Variants in PTGER3 observed in about 807,000 individuals in gnomAD.
PTGER3 encodes the protein prostaglandin E2 receptor EP3 subtype.
Under a neutral mutation model 34.7 loss-of-function variants are expected in PTGER3, and 22 were observed. The ratio of observed to expected loss-of-function variants is 0.63; its 90% CI spans 0.45 to 0.91. The LOEUF is 0.91. Among genes scored for constraint, PTGER3 ranks in the 40% least tolerant of loss-of-function variants. The pLI is 0.00. For synonymous variants in PTGER3, 241 were observed against 230.1 expected, an observed-to-expected ratio of 1.05 and a Z score of -0.43; for missense variants, 468 against 519.4, an observed-to-expected ratio of 0.90 and a Z score of 0.96.
chr1:70,902,178 A>G (rs1646854722), intron 4 of PTGER3, among the ~76,000 whole-genome samples: 1 of 152,204 alleles, frequency 6.6e-6, no homozygotes, highest in African/African-American at 2.4e-5. Flanking sequence ...TAATAATAAT[A>G]AAGAAATGTC....
intron 4 of PTGER3, among the ~76,000 whole-genome samples, chr1:70,916,354 A>G (rs61777125): frequency 1.3e-5 from 2 of 152,192 alleles, no homozygotes; most frequent in Non-Finnish European, 2.9e-5. Context: ...AACAGCTACA[A>G]TTCGACCCAG....
intron 4 of PTGER3, among the ~76,000 whole-genome samples, chr1:70,861,828 T>A (rs577705734): frequency 6.6e-6 from 1 of 152,144 alleles, no homozygotes; most frequent in Admixed American, 6.6e-5. Context: ...AAACTCTCAT[T>A]TCTTAACATT....
At chr1:71,045,902 T>C (rs1234236592) in intron 1 of PTGER3, among the ~76,000 whole-genome samples, 1 of 151,676 alleles carries the variant, frequency 6.6e-6, no homozygotes, top group African/African-American at 2.4e-5. Context: ...AAGGCACCCA[T>C]AGGTCGCGCA....
chr1:70,966,371 T>A (rs1378935801), downstream of PTGER3, among the ~76,000 whole-genome samples: 1 of 152,204 alleles, frequency 6.6e-6, no homozygotes, highest in Admixed American at 6.5e-5. Flanking sequence ...CAAATAACAC[T>A]TGTTCCCCCA....
At chr1:70,872,460 A>C (rs1646182834) in intron 4 of PTGER3, among the ~76,000 whole-genome samples, 1 of 152,198 alleles carries the variant, frequency 6.6e-6, no homozygotes, top group African/African-American at 2.4e-5. Flanking sequence ...CTGAACACTG[A>C]CTATGTTCCA....
intron 4 of PTGER3, among the ~76,000 whole-genome samples, chr1:70,918,154 A>G (rs1478895077): frequency 6.6e-6 from 1 of 152,064 alleles, no homozygotes; most frequent in Non-Finnish European, 1.5e-5. Context: ...GGGAAAGGAT[A>G]GTCTGTTCAA....
chr1:70,939,283 C>T lies in PTGER3; in HGVS notation c.*23+14480G>A, dbSNP rs192014743. 5.0e-4 allele frequency among the ~76,000 whole-genome samples: 76 copies of T among 152,340 alleles called. No individual in the cohort carries two copies. In the East Asian group the frequency reaches 0.013, roughly 25 times the overall value. On this transcript the variant is annotated intron_variant, in intron 4 of 4. Transcript: ENST00000370931. ...CCCATGGTCTTGGGCAGCTCCACTT[C>T]TGTGGCTTTACAGGGTACAGCCTCC...
chr1:70,879,951 G>A (rs1036352213), intron 4 of PTGER3, among the ~76,000 whole-genome samples: 2 of 151,968 alleles, frequency 1.3e-5, no homozygotes, highest in African/African-American at 2.4e-5. Flanking sequence ...AAATTAGCTG[G>A]GCGTGGTGGT....
At chr1:71,001,684 T>A (rs1656501485) in intron 2 of PTGER3, among the ~76,000 whole-genome samples, 1 of 152,196 alleles carries the variant, frequency 6.6e-6, no homozygotes, top group African/African-American at 2.4e-5. Context: ...GGCTTTTCAG[T>A]GAGAAGATAC....
At chr1:71,043,190 AT>A (rs1660463883) in intron 1 of PTGER3, among the ~76,000 whole-genome samples, 1 of 152,250 alleles carries the variant, frequency 6.6e-6, no homozygotes, top group African/African-American at 2.4e-5. Context: ...AATGATAAAA[AT>A]CAAATAGATT....
At chr1:70,894,659 C>T (rs35864143) in intron 4 of PTGER3, among the ~76,000 whole-genome samples, 31,946 of 152,094 alleles carry the variant, frequency 0.21, 3,784 homozygotes, top group Admixed American at 0.35. Context: ...GGAATTTGAT[C>T]AAGCCTCACC....
intron 4 of PTGER3, among the ~76,000 whole-genome samples, chr1:70,867,941 C>T (rs1260344990): frequency 6.6e-6 from 1 of 152,156 alleles, no homozygotes; most frequent in Admixed American, 6.5e-5. Context: ...GTCCTGTCTT[C>T]CTCATCCACA....
At chr1:70,902,244 A>G (rs1646856315) in intron 4 of PTGER3, among the ~76,000 whole-genome samples, 1 of 152,230 alleles carries the variant, frequency 6.6e-6, no homozygotes. Context: ...TGAAAAGGCA[A>G]TAAGACTCTA....
chr1:70,947,691 G>A (rs1210033328), downstream of PTGER3, among the ~76,000 whole-genome samples: 3 of 152,076 alleles, frequency 2.0e-5, no homozygotes, highest in Admixed American at 6.6e-5. Context: ...CTGTAGATTT[G>A]GGTTGCTGAG....
chr1:70,978,786 G>C (rs976198599), intron 2 of PTGER3, among the ~76,000 whole-genome samples: 4 of 152,032 alleles, frequency 2.6e-5, no homozygotes, highest in African/African-American at 9.7e-5. Flanking sequence ...CCACCAAGAG[G>C]GTAGTGATCC....
At chr1:70,985,267 C>T (rs1467045583) in intron 2 of PTGER3, among the ~76,000 whole-genome samples, 2 of 152,064 alleles carry the variant, frequency 1.3e-5, no homozygotes, top group Non-Finnish European at 2.9e-5. Flanking sequence ...TCACCGCATG[C>T]GTGTGTGGAC....
At chr1:70,925,930 G>A (rs1322106510) in intron 4 of PTGER3, among the ~76,000 whole-genome samples, 2 of 152,248 alleles carry the variant, frequency 1.3e-5, no homozygotes, top group Non-Finnish European at 2.9e-5. Flanking sequence ...AAGAGTGAAT[G>A]TAAGTAGAAA....
intron 2 of PTGER3, chr1:71,007,828 A>C (rs2100839229): frequency 1.0e-6 from 1 of 985,044 alleles, no homozygotes; most frequent in Middle Eastern, 5.2e-4. Context: ...CTAATTCTAA[A>C]GCATTTAACA....
intron 3 of PTGER3, 136 bp downstream of exon 3, chr1:70,974,161 C>G: frequency 7.9e-7 from 1 of 1,262,466 alleles, no homozygotes; most frequent in Non-Finnish European, 1.0e-6. Flanking sequence ...AGGAATCTAG[C>G]ACTCTTAATC....
Sources: gnomAD v4.1 joint callset for allele counts (sites outside exome capture counted in the v4.1 genomes callset) on GRCh38, gnomAD v4.1.1 for gene constraint, MANE v1.5 for transcripts, NCBI Gene and HGNC (gene_info 2026-07-23, HGNC 2026-07-21) for gene names.